The following AFAP1L1 variants were observed in gnomAD, a reference collection of about 807,000 sequenced individuals.
AFAP1L1 encodes actin filament-associated protein 1-like 1.
A neutral mutation model predicts 99.8 loss-of-function variants in AFAP1L1; 77 were observed. The ratio of observed to expected loss-of-function variants is 0.77; its 90% CI spans 0.64 to 0.93. The LOEUF is 0.93. AFAP1L1 is among the 40% of genes least tolerant of loss of function. The pLI is 0.00. For missense variants in AFAP1L1, 893 were observed against 996.8 expected (o/e 0.90, Z 1.40); for synonymous variants, 373 against 395.3 (o/e 0.94, Z 0.67).
At position 149,317,712 on chromosome 5, in the gene AFAP1L1, A is replaced by G. The variant is rs766236540; in HGVS notation, c.1268-17A>G. ...CCAGGGCAGGCTATGGGAACCTCACACCATTGTCTCCTCCAGGCTACCTGA... is the reference window on the plus strand; with the variant it reads ...CCAGGGCAGGCTATGGGAACCTCACGCCATTGTCTCCTCCAGGCTACCTGA... On this transcript the variant is annotated splice_polypyrimidine_tract_variant and intron_variant, in intron 11 of 18. Transcript: ENST00000296721. 6.2e-7 allele frequency: 1 copy of G among 1,613,100 alleles called. No homozygotes were observed. The highest frequency in any genetic ancestry group is 1.7e-5 in the Admixed American group (1 of 59,952).
At chr5:149,272,129 C>A in intron 1 of AFAP1L1, 145 bp downstream of exon 1, 1 of 910,082 alleles carries the variant, frequency 1.1e-6, no homozygotes, top group Non-Finnish European at 1.4e-6. Flanking sequence ...GGAGACGCGG[C>A]GCTTATGCAA....
At chr5:149,324,370 C>T in intron 15 of AFAP1L1, among the ~76,000 whole-genome samples, 1 of 151,108 alleles carries the variant, frequency 6.6e-6, no homozygotes, top group African/African-American at 2.4e-5. Context: ...GGGCACTAAT[C>T]CTACCCATGA....
Position 149,320,351 on chromosome 5 carries a change from CATT to C in AFAP1L1, c.1626-39_1626-37del, listed in dbSNP as rs370650728. 1,232 of 1,585,810 alleles carry C rather than the reference CATT, an allele frequency of 7.8e-4. 10 individuals carry two copies. The African/African-American group carries it at 0.014, about 18-fold the overall frequency. On this transcript the variant is annotated intron_variant, in intron 13 of 18. Coordinates refer to ENST00000296721, the MANE Select transcript of AFAP1L1 (RefSeq NM_152406.4). This position sits in a 1 kb window ranked among gnomAD's most constrained non-coding sequence, Gnocchi z 4.0. Reference sequence around the variant, plus strand: ...GAAAGCACTGTAAGCTGCAAAGCATCATTGTCATTGTCATTGTCATCGTACATT... The same window carrying C: ...GAAAGCACTGTAAGCTGCAAAGCATCGTCATTGTCATTGTCATCGTACATT...
chr5:149,312,083 C>A (rs1321177180), intron 8 of AFAP1L1, 29 bp from the exon 9 acceptor site: 1 of 1,601,724 alleles, frequency 6.2e-7, no homozygotes, highest in South Asian at 1.1e-5. Flanking sequence ...CCCTGCCCAC[C>A]CGTTCACAGC....
chr5:149,299,525 C>T lies in AFAP1L1; in HGVS notation c.33C>T (p.Leu11=), dbSNP rs541816393. The T allele has an allele frequency of 6.2e-7, 1 of 1,614,110 alleles. No homozygotes were observed. The highest frequency in any genetic ancestry group is 2.2e-5 in the East Asian group (1 of 44,876). The change falls in exon 2 of 19, where the codon CTC becomes CTT. Residue 11 remains leucine, a synonymous_variant. Transcript: ENST00000296721. ...CCTCCGCAGTGCTGGAGCAGCTGCT[C>T]CCAGAGCTCACCGGGCTGCTCAGCC... The part of the protein sequence containing the change: MDRGQVLEQL[L]PELTGLLSLL...
chr5:149,299,822 CT>C (rs1459519381), intron 2 of AFAP1L1, among the ~76,000 whole-genome samples, 185 bp downstream of exon 2: 1 of 152,152 alleles, frequency 6.6e-6, no homozygotes, highest in Non-Finnish European at 1.5e-5. Context: ...GCCCAATGTC[CT>C]TGTCCACTGG....
Position 149,301,209 on chromosome 5 carries a change from C to T in AFAP1L1, c.306C>T (p.Ala102=), listed in dbSNP as rs1756198861. The change falls in exon 4 of 19, where the codon GCC becomes GCT. Residue 102 remains alanine, a synonymous_variant. Coordinates refer to ENST00000296721, the MANE Select transcript of AFAP1L1 (RefSeq NM_152406.4). The stretch of plus-strand genomic sequence containing the variant: ...GCAAAGGAGCCAGCCCTGAGCTAGC[C>T]AAGAGCCCACGCCTGAGAAACGTGA... ...EPSKGASPEL[A]KSPRLRNAAD... 6.2e-7 allele frequency: 1 copy of T among 1,614,000 alleles called. No individual in the cohort carries two copies. Among genetic ancestry groups the T allele is most frequent in the East Asian group, 2.2e-5 (1 of 44,864 alleles).
At chr5:149,332,653 A>G in intron 16 of AFAP1L1, 42 bp from the exon 17 acceptor site, 1 of 1,581,750 alleles carries the variant, frequency 6.3e-7, no homozygotes, top group Non-Finnish European at 8.6e-7. Flanking sequence ...CTGACATTTC[A>G]GGTCAGGTTC....
rs926507546 is a variant in AFAP1L1, at chr5:149,340,796, G to T, written c.*766G>T. On this transcript the variant is annotated 3_prime_UTR_variant, in exon 19 of 19. Transcript: ENST00000296721. ...ATGTCCACAGGATGTTGTAGGGTAG[G>T]GTCTCTCAGTAAATCAAGTCCCTTA... 6.6e-6 allele frequency: 1 copy of T among 152,126 alleles called. No individual in the cohort carries two copies. The highest frequency in any genetic ancestry group is 1.5e-5 in the Non-Finnish European group (1 of 68,016). The allele number at this position is 152,126 out of a possible 1,614,324, so 9.4% of individuals were successfully genotyped here. A position where few individuals can be genotyped will look rare whatever the true frequency, so the allele number is the denominator to read the frequency against.
intron 18 of AFAP1L1, among the ~76,000 whole-genome samples, chr5:149,337,322 C>CA (rs961290394): frequency 2.6e-5 from 4 of 152,078 alleles, no homozygotes; most frequent in Admixed American, 6.5e-5. Flanking sequence ...CACACACACA[C>CA]AAATGATAAC....
intron 1 of AFAP1L1, among the ~76,000 whole-genome samples, chr5:149,288,852 A>G (rs1472822952): frequency 6.6e-6 from 1 of 152,184 alleles, no homozygotes; most frequent in Non-Finnish European, 1.5e-5. Flanking sequence ...GTGGAGGACA[A>G]GAACCTGGGC....
At chr5:149,304,224 C>G (rs1157073678) in intron 5 of AFAP1L1, 1 of 152,254 alleles carries the variant, frequency 6.6e-6, no homozygotes, top group Non-Finnish European at 1.5e-5. Context: ...TGGCTGAACA[C>G]TATCCCACCA....
At chr5:149,280,211 T>G (rs543741286) in intron 1 of AFAP1L1, among the ~76,000 whole-genome samples, 17 of 152,358 alleles carry the variant, frequency 1.1e-4, no homozygotes, top group Admixed American at 5.9e-4. Flanking sequence ...TTCCTTTGCC[T>G]TCATCCTTTA....
intron 1 of AFAP1L1, among the ~76,000 whole-genome samples, chr5:149,288,339 G>C (rs543656712): frequency 6.6e-6 from 1 of 152,326 alleles, no homozygotes; most frequent in East Asian, 1.9e-4. Flanking sequence ...AGCCTCACTT[G>C]GCTCATGTGT....
At chr5:149,304,336 C>T (rs1415829535) in intron 5 of AFAP1L1, 1 of 152,240 alleles carries the variant, frequency 6.6e-6, no homozygotes, top group Non-Finnish European at 1.5e-5. Context: ...CCACAGCCCT[C>T]TTCAGCCTTG....
At chr5:149,314,269 A>G (rs1004278711) in intron 9 of AFAP1L1, among the ~76,000 whole-genome samples, 2 of 152,174 alleles carry the variant, frequency 1.3e-5, no homozygotes, top group African/African-American at 4.8e-5. Context: ...CAGCGTTGAC[A>G]GTGTCAGTGT....
intron 5 of AFAP1L1, among the ~76,000 whole-genome samples, chr5:149,302,990 G>A (rs1487252738): frequency 2.6e-5 from 4 of 152,278 alleles, no homozygotes; most frequent in South Asian, 2.1e-4. Context: ...GAGTCAATGC[G>A]TAAAATAAAA....
chr5:149,317,657 C>T (rs1362294825), intron 11 of AFAP1L1, 72 bp from the exon 12 acceptor site: 3 of 1,535,618 alleles, frequency 2.0e-6, no homozygotes, highest in Non-Finnish European at 2.7e-6. Context: ...CCAGCAGACA[C>T]ATGGAGCCGC....
chr5:149,306,203 C>CT lies in AFAP1L1; in HGVS notation c.437-102dup, dbSNP rs1367471897. On this transcript the variant is annotated intron_variant, in intron 5 of 18. Transcript: ENST00000296721. ...CTGAGCTGCTCAGAGTGCCTGCTGTCTCTTCCCTGAGGTGGAGCAGGGGTG... is the reference window on the plus strand; with the variant it reads ...CTGAGCTGCTCAGAGTGCCTGCTGTCTTCTTCCCTGAGGTGGAGCAGGGGTG... 7.4e-6 allele frequency: 7 copies of CT among 948,836 alleles called. No homozygotes were observed. The East Asian group carries it at 1.9e-4, about 25-fold the overall frequency. 58.8% of individuals were successfully genotyped at this position (948,836 alleles called of 1,614,324 possible). A position where few individuals can be genotyped will look rare whatever the true frequency, so the allele number is the denominator to read the frequency against.
Sources: gnomAD v4.1 joint callset for allele counts (sites outside exome capture counted in the v4.1 genomes callset) on GRCh38, gnomAD v4.1.1 for gene constraint, Gnocchi (gnomAD v3.1) non-coding constraint, MANE v1.5 for transcripts, NCBI Gene and HGNC (gene_info 2026-07-23, HGNC 2026-07-21) for gene names.